Variants in TRAF5 observed in about 807,000 individuals in gnomAD.
TRAF5 encodes TNF receptor-associated factor 5.
Under a neutral mutation model 64.5 loss-of-function variants are expected in TRAF5, and 48 were observed. The ratio of observed to expected loss-of-function variants is 0.74; its 90% confidence interval spans 0.59 to 0.95. TRAF5 has a LOEUF of 0.95. Among genes scored for constraint, TRAF5 ranks in the 40% least tolerant of loss-of-function variants. TRAF5 has a pLI of 0.00. For missense variants in TRAF5, 545 were observed against 662.8 expected (o/e 0.82, Z 1.95); for synonymous variants, 206 against 240.5 (o/e 0.86, Z 1.33).
intron 1 of TRAF5, among the ~76,000 whole-genome samples, chr1:211,341,632 C>A (rs1424041274): frequency 6.6e-6 from 1 of 151,964 alleles, no homozygotes; most frequent in Non-Finnish European, 1.5e-5. Flanking sequence ...GTGTTTCCAT[C>A]GGGCATTGCT....
intron 1 of TRAF5, 136 bp downstream of exon 1, chr1:211,327,025 C>T: frequency 1.3e-6 from 1 of 770,896 alleles, no homozygotes; most frequent in Non-Finnish European, 1.6e-6. Flanking sequence ...GGTCCCCGAC[C>T]GGCGGGGAGG....
At chr1:211,327,092 G>T (rs1329464047) in intron 1 of TRAF5, among the ~76,000 whole-genome samples, 1 of 151,940 alleles carries the variant, frequency 6.6e-6, no homozygotes, top group Non-Finnish European at 1.5e-5. Flanking sequence ...GCGGGAGACC[G>T]GCGGGGCAGG....
intron 1 of TRAF5, among the ~76,000 whole-genome samples, chr1:211,344,884 G>A (rs565840568): frequency 7.3e-4 from 111 of 152,078 alleles, no homozygotes; most frequent in African/African-American, 2.6e-3. Flanking sequence ...CCCCCAAGTC[G>A]CTGGGACTAC....
In TRAF5 at chr1:211,374,294, T is replaced by A. The variant is rs146257194; in HGVS notation, c.*1592T>A. 6.5e-6 allele frequency: 1 copy of A among 153,060 alleles called. No homozygotes were observed. The highest frequency in any genetic ancestry group is 1.9e-4 in the East Asian group (1 of 5,188). The allele number at this position is 153,060 out of a possible 1,614,324, so 9.5% of individuals were successfully genotyped here. A position where few individuals can be genotyped will look rare whatever the true frequency, so the allele number is the denominator to read the frequency against. On this transcript the variant is annotated 3_prime_UTR_variant, in exon 11 of 11. Transcript: ENST00000261464. ...TTATGCCACTTCCCTACTGCTCATA[T>A]GCACGCTGGCTCCCCTGGGCACGCA...
At chr1:211,345,359 G>A (rs1310068071) in intron 1 of TRAF5, among the ~76,000 whole-genome samples, 5 of 151,548 alleles carry the variant, frequency 3.3e-5, no homozygotes, top group African/African-American at 4.9e-5. Flanking sequence ...CCAGCCCTGC[G>A]CTCCCCCCCC....
rs151130642 is a variant in TRAF5, at chr1:211,331,219, A to T, written c.-2+4330A>T. Among the ~76,000 whole-genome samples, 211 of 152,174 alleles carry T rather than the reference A, an allele frequency of 1.4e-3. 1 individual carries two copies. Among genetic ancestry groups the T allele is most frequent in the Middle Eastern group, 0.01 (3 of 294 alleles). On this transcript the variant is annotated intron_variant, in intron 1 of 10. Transcript: ENST00000261464. ...ATTTTCCTGCCCCAGGTCCATCTGT[A>T]TTCAATTTTCCTTTTCATGCTGCTG...
intron 1 of TRAF5, among the ~76,000 whole-genome samples, chr1:211,334,427 G>A (rs1351555336): frequency 6.6e-6 from 1 of 152,224 alleles, no homozygotes; most frequent in Non-Finnish European, 1.5e-5. Flanking sequence ...GGGAGACCGA[G>A]GCGGGCTGAT....
intron 1 of TRAF5, among the ~76,000 whole-genome samples, chr1:211,346,768 C>T (rs1702619151): frequency 1.3e-5 from 2 of 152,156 alleles, no homozygotes; most frequent in African/African-American, 4.8e-5. Flanking sequence ...GAATATTTGT[C>T]ATATGTTCTC....
chr1:211,359,780 CTGCCTTGCCCTG>C, intron 4 of TRAF5, 120 bp from the exon 5 acceptor site: 1 of 988,406 alleles, frequency 1.0e-6, no homozygotes, highest in Non-Finnish European at 1.5e-6. Flanking sequence ...AGCCTACCCT[CTGCCTTGCCCTG>C]TGCAAGCCTT....
At chr1:211,362,886 A>G (rs901360570) in intron 7 of TRAF5, among the ~76,000 whole-genome samples, 15 of 152,128 alleles carry the variant, frequency 9.9e-5, no homozygotes, top group Admixed American at 7.9e-4. Context: ...GGGGGGGGCT[A>G]TTTTCCTTAA....
At chr1:211,357,840 A>C (rs780527684) in intron 4 of TRAF5, 17 of 152,174 alleles carry the variant, frequency 1.1e-4, no homozygotes, top group Non-Finnish European at 2.1e-4. Flanking sequence ...TAAGAGTCAA[A>C]CAATAATAAT....
At chr1:211,365,238 C>A in intron 7 of TRAF5, 138 bp from the exon 8 acceptor site, 2 of 623,770 alleles carry the variant, frequency 3.2e-6, no homozygotes, top group Non-Finnish European at 2.7e-6. Flanking sequence ...TTCCTGCAAC[C>A]CACCTAGAGA....
At chr1:211,363,586 G>T (rs1446712459) in intron 7 of TRAF5, among the ~76,000 whole-genome samples, 1 of 151,962 alleles carries the variant, frequency 6.6e-6, no homozygotes, top group Non-Finnish European at 1.5e-5. Flanking sequence ...TTGAAAAAAT[G>T]TATATTCTGA....
intron 5 of TRAF5, 112 bp downstream of exon 5, chr1:211,360,188 G>A: frequency 5.9e-6 from 7 of 1,194,562 alleles, no homozygotes; most frequent in Non-Finnish European, 8.2e-6. Context: ...TTTTTGTACA[G>A]AATTAGGTCT....
intron 1 of TRAF5, among the ~76,000 whole-genome samples, chr1:211,334,831 C>T (rs1702248413): frequency 6.6e-6 from 1 of 152,184 alleles, no homozygotes; most frequent in African/African-American, 2.4e-5. Flanking sequence ...ATTAGGCTTG[C>T]TGTGTTAACT....
At chr1:211,341,013 G>C (rs1015185362) in intron 1 of TRAF5, among the ~76,000 whole-genome samples, 1 of 152,178 alleles carries the variant, frequency 6.6e-6, no homozygotes, top group Non-Finnish European at 1.5e-5. Context: ...TACCTTCTTT[G>C]TAAGCAAGGA....
rs1702338053 is a variant in TRAF5 at position 211,337,629 on chromosome 1, A to G, written c.-2+10740A>G. On this transcript the variant is annotated intron_variant, in intron 1 of 10. Transcript: ENST00000261464. ...GACCAGCTAGGAGACTGATGCAATA[A>G]CCACTGGGGAGATGATGGCAGCTTA... 3.9e-5 allele frequency among the ~76,000 whole-genome samples: 6 copies of G among 152,190 alleles called. No individual in the cohort carries two copies. The South Asian group carries it at 1.2e-3, about 31-fold the overall frequency.
At chr1:211,327,435 G>A (rs1354569547) in intron 1 of TRAF5, among the ~76,000 whole-genome samples, 1 of 152,194 alleles carries the variant, frequency 6.6e-6, no homozygotes, top group African/African-American at 2.4e-5. Flanking sequence ...TCGTTTGCGC[G>A]TCTTCCTTTA....
At position 211,366,020 on chromosome 1, in the gene TRAF5, G is replaced by A. The variant is rs544555773; in HGVS notation, c.789+552G>A. On this transcript the variant is annotated intron_variant, in intron 8 of 10. Transcript: ENST00000261464. ...TATTTCACTGAGTTGTGATTATCAA[G>A]GGAAATTATATGCAAATGCCTGCCA... Among the ~76,000 whole-genome samples the A allele has an allele frequency of 3.3e-5, 5 of 152,314 alleles. No individual in the cohort carries two copies. The South Asian group carries it at 1.0e-3, about 32-fold the overall frequency.
Sources: gnomAD v4.1 joint callset for allele counts (sites outside exome capture counted in the v4.1 genomes callset) on GRCh38, gnomAD v4.1.1 for gene constraint, MANE v1.5 for transcripts, NCBI Gene and HGNC (gene_info 2026-07-23, HGNC 2026-07-21) for gene names.